Variants in CCDC187 observed in about 807,000 individuals in gnomAD.
CCDC187 encodes coiled-coil domain containing 187, also known as coiled-coil domain-containing protein 187.
CCDC187 carries 32 observed loss-of-function variants against 38.0 expected under a neutral mutation model. The ratio of observed to expected loss-of-function variants is 0.84; its 90% confidence interval spans 0.64 to 1.13. The LOEUF (loss-of-function observed/expected upper bound fraction) is 1.13. CCDC187 is among the 50% of genes most tolerant of loss of function. The probability of loss-of-function intolerance (pLI) is 0.00; values close to 1 mark genes in which losing one functional copy is unlikely to be tolerated. For synonymous variants in CCDC187, 333 were observed against 347.9 expected (o/e 0.96, Z 0.48); for missense variants, 707 against 786.8 (o/e 0.90, Z 1.21).
Position 136,253,694 on chromosome 9 carries a change from T to A in CCDC187, c.6134A>T (p.Glu2045Val). The A allele has an allele frequency of 1.0e-6, 1 of 985,478 alleles. No individual in the cohort carries two copies. Among genetic ancestry groups the A allele is most frequent in the South Asian group, 4.7e-5 (1 of 21,292 alleles). The allele number at this position is 985,478 out of a possible 1,614,324, so 61.0% of individuals were successfully genotyped here. A position where few individuals can be genotyped will look rare whatever the true frequency, so the allele number is the denominator to read the frequency against. ...ATCCTGGGTGGTGATGGCGGTGTCC[T>A]CCTCAAGGGGCCCCGAGGGCGGGGA... ...FPSPPSGPLE[E>V]DTAITTQDLS... The change falls in exon 26 of 26, where the codon GAG becomes GTG. Residue 2045 changes from glutamate (E) to valine (V), a missense_variant. Physicochemically the swap from Glu to Val is moderately radical, Grantham distance 121. Coordinates refer to ENST00000638797, the MANE Select transcript of CCDC187 (RefSeq NM_001378188.1).
At position 136,286,034 on chromosome 9, in the gene CCDC187, A is replaced by C. The variant is rs907825714; in HGVS notation, c.2833+51T>G. 9.2e-4 allele frequency: 368 copies of C among 397,944 alleles called. 2 individuals are homozygous for C. The highest frequency in any genetic ancestry group is 5.7e-3 in the African/African-American group (276 of 48,750). The allele number at this position is 397,944 out of a possible 1,614,324, so 24.7% of individuals were successfully genotyped here. A position where few individuals can be genotyped will look rare whatever the true frequency, so the allele number is the denominator to read the frequency against. On this transcript the variant is annotated intron_variant, in intron 8 of 25. Coordinates refer to ENST00000638797, the MANE Select transcript of CCDC187 (RefSeq NM_001378188.1). Reference sequence around the variant, plus strand: ...ATGGGGTCCCCATTCCTCCCAGCCCACAGGACCCCCTGGCCACCCAGCGGT... The same window carrying C: ...ATGGGGTCCCCATTCCTCCCAGCCCCCAGGACCCCCTGGCCACCCAGCGGT...
chr9:136,294,118 T>C (rs1232684879), intron 4 of CCDC187, among the ~76,000 whole-genome samples: 2 of 57,256 alleles, frequency 3.5e-5, no homozygotes, highest in Non-Finnish European at 7.0e-5. Context: ...ACTCACACAC[T>C]CTCACACTCA....
chr9:136,278,710 T>C (rs1037201781), intron 10 of CCDC187, among the ~76,000 whole-genome samples: 1 of 152,174 alleles, frequency 6.6e-6, no homozygotes, highest in Non-Finnish European at 1.5e-5. Context: ...ACAGGACCCT[T>C]ACCCTCAGTG....
At chr9:136,289,746 C>T (rs1015888823) in intron 7 of CCDC187, among the ~76,000 whole-genome samples, 9 of 152,232 alleles carry the variant, frequency 5.9e-5, no homozygotes, top group East Asian at 1.9e-4. Context: ...AAGTTTGATG[C>T]GACTCTTGCC....
rs186989443 is a variant in CCDC187 at position 136,269,601 on chromosome 9, T to C, written c.3443-1476A>G. The stretch of plus-strand genomic sequence containing the variant: ...TGGTAGAGGTTGCAGTGAGCTGAGA[T>C]TGCGCCACTGCACTCCAGCCTGGCA... On this transcript the variant is annotated intron_variant, in intron 14 of 25. Coordinates refer to ENST00000638797, the MANE Select transcript of CCDC187 (RefSeq NM_001378188.1). 1.3e-3 allele frequency among the ~76,000 whole-genome samples: 196 copies of C among 152,060 alleles called. 1 individual carries two copies. The highest frequency in any genetic ancestry group is 4.5e-3 in the African/African-American group (186 of 41,434).
rs184579600 is a variant in CCDC187 at position 136,258,829 on chromosome 9, G to C, written c.4366+103C>G. The C allele has an allele frequency of 1.0e-6, 1 of 985,410 alleles. No individual in the cohort carries two copies. Among genetic ancestry groups the C allele is most frequent in the African/African-American group, 1.7e-5 (1 of 57,246 alleles). 61.0% of individuals were successfully genotyped at this position (985,410 alleles called of 1,614,324 possible). ...CCAGGGCCCATCTTCTTTGCTTTCC[G>C]TCCTTGTCCAGTGGCTGAGCTCCAG... On this transcript the variant is annotated intron_variant, in intron 22 of 25. Coordinates refer to ENST00000638797, the MANE Select transcript of CCDC187 (RefSeq NM_001378188.1). The surrounding 1 kb of genome is among the most constrained non-coding windows in gnomAD (Gnocchi z 4.3).
At chr9:136,286,038 G>C (rs940342238) in intron 8 of CCDC187, 47 bp downstream of exon 8, 3 of 397,920 alleles carry the variant, frequency 7.5e-6, no homozygotes, top group Admixed American at 8.8e-5. Flanking sequence ...CAGCCCACAG[G>C]ACCCCCTGGC....
chr9:136,268,322 G>T (rs1438559827), intron 14 of CCDC187, among the ~76,000 whole-genome samples, 197 bp from the exon 15 acceptor site: 1 of 152,234 alleles, frequency 6.6e-6, no homozygotes, highest in Non-Finnish European at 1.5e-5. Context: ...TTGATGTGAA[G>T]TTGTGGTTTG....
At chr9:136,298,315 G>C (rs1831585039) in intron 3 of CCDC187, among the ~76,000 whole-genome samples, 1 of 152,186 alleles carries the variant, frequency 6.6e-6, no homozygotes, top group Non-Finnish European at 1.5e-5. Context: ...GGAGGAGTGA[G>C]GGCCAGACCT....
chr9:136,292,790 A>C lies in CCDC187; in HGVS notation c.833-495T>G, dbSNP rs943672809. Reference sequence around the variant, plus strand: ...CACGTGTGCCGAGCCACAGGAGATTAACCTGCTTTTAAGCCAGCAGAGCCA... The same window carrying C: ...CACGTGTGCCGAGCCACAGGAGATTCACCTGCTTTTAAGCCAGCAGAGCCA... On this transcript the variant is annotated intron_variant, in intron 4 of 25. Coordinates refer to ENST00000638797, the MANE Select transcript of CCDC187 (RefSeq NM_001378188.1). Among the ~76,000 whole-genome samples, 736 of 152,272 alleles carry C rather than the reference A, an allele frequency of 4.8e-3. 7 individuals carry two copies. Among genetic ancestry groups the C allele is most frequent in the African/African-American group, 0.017 (697 of 41,564 alleles).
chr9:136,264,367 T>C lies in CCDC187; in HGVS notation c.3736-569A>G, dbSNP rs2131152996. The stretch of plus-strand genomic sequence containing the variant: ...CTCTATCTGCGACACGCAGCCTGGC[T>C]GTGGCTGGGAGTCCCTGGCCCCGGC... On this transcript the variant is annotated intron_variant, in intron 17 of 25. Transcript: ENST00000638797. This position sits in a 1 kb window ranked among gnomAD's most constrained non-coding sequence, Gnocchi z 4.3. 6.6e-6 allele frequency: 1 copy of C among 152,430 alleles called. No homozygotes were observed. 9.4% of individuals were successfully genotyped at this position (152,430 alleles called of 1,614,324 possible).
Position 136,286,395 on chromosome 9 carries a change from G to GA in CCDC187, c.2522dup (p.Thr842HisfsTer312). 2.5e-6 allele frequency: 1 copy of GA among 398,672 alleles called. No homozygotes were observed. Among genetic ancestry groups the GA allele is most frequent in the Non-Finnish European group, 4.4e-6 (1 of 226,080 alleles). The allele number at this position is 398,672 out of a possible 1,614,324, so 24.7% of individuals were successfully genotyped here. Reference sequence around the variant, plus strand: ...CTTCGGCACCCTGCAGCTTGGCGGTGAGGCTATCGACCCGCTGCTTGAGGA... The same window carrying GA: ...CTTCGGCACCCTGCAGCTTGGCGGTGAAGGCTATCGACCCGCTGCTTGAGGA... On this transcript the variant is annotated frameshift_variant, in exon 8 of 26. Transcript: ENST00000638797. LOFTEE classifies it high-confidence loss of function.
chr9:136,300,450 G>C (rs1831650521), intron 2 of CCDC187, 132 bp from the exon 3 acceptor site: 1 of 384,786 alleles, frequency 2.6e-6, no homozygotes, highest in South Asian at 1.4e-4. Flanking sequence ...GTCTCACTCT[G>C]TCACCCAAGC....
chr9:136,284,156 C>T (rs878892352), intron 9 of CCDC187, among the ~76,000 whole-genome samples: 97,933 of 151,656 alleles, frequency 0.65, 31,703 homozygotes, highest in East Asian at 0.77. Context: ...GGAGGGAAGG[C>T]TGGGCTTCGG....
intron 7 of CCDC187, among the ~76,000 whole-genome samples, chr9:136,288,071 A>T (rs1831223861): frequency 1.3e-5 from 2 of 152,088 alleles, no homozygotes; most frequent in Non-Finnish European, 2.9e-5. Context: ...GCCCGAGACG[A>T]CGAGTCCCAG....
chr9:136,293,323 A>C (rs1330998224), intron 4 of CCDC187, among the ~76,000 whole-genome samples: 1 of 148,536 alleles, frequency 6.7e-6, no homozygotes, highest in African/African-American at 2.5e-5. Flanking sequence ...ACTCACACTC[A>C]CATGCTTACA....
Position 136,250,596 on chromosome 9 carries a change from T to C in CCDC187, c.*2998A>G, listed in dbSNP as rs1554759161. ...ATTTGTTCAGAAGACTAGAAGGGGATCAATGAGAAAGCTGTAGCTCAGCTC... is the reference window on the plus strand; with the variant it reads ...ATTTGTTCAGAAGACTAGAAGGGGACCAATGAGAAAGCTGTAGCTCAGCTC... On this transcript the variant is annotated 3_prime_UTR_variant, in exon 26 of 26. Coordinates refer to ENST00000638797, the MANE Select transcript of CCDC187 (RefSeq NM_001378188.1). 1.1e-5 allele frequency: 4 copies of C among 366,222 alleles called. No individual in the cohort carries two copies. Among genetic ancestry groups the C allele is most frequent in the Non-Finnish European group, 2.2e-5 (4 of 182,258 alleles). 22.7% of individuals were successfully genotyped at this position (366,222 alleles called of 1,614,324 possible). A position where few individuals can be genotyped will look rare whatever the true frequency, so the allele number is the denominator to read the frequency against.
intron 3 of CCDC187, among the ~76,000 whole-genome samples, 199 bp from the exon 4 acceptor site, chr9:136,298,020 C>T (rs1048476970): frequency 0.15 from 23,366 of 152,214 alleles, 2,004 homozygotes; most frequent in East Asian, 0.31. Context: ...ACTGTCACGT[C>T]CCCTGCAGTG....
At chr9:136,289,094 A>C (rs1178512786) in intron 7 of CCDC187, among the ~76,000 whole-genome samples, 7 of 152,226 alleles carry the variant, frequency 4.6e-5, no homozygotes, top group Non-Finnish European at 1.0e-4. Context: ...AGACTCAATG[A>C]AGTTCTGACT....
Sources: gnomAD v4.1 joint callset for allele counts (sites outside exome capture counted in the v4.1 genomes callset) on GRCh38, gnomAD v4.1.1 for gene constraint, Gnocchi (gnomAD v3.1) non-coding constraint, MANE v1.5 for transcripts, NCBI Gene and HGNC (gene_info 2026-07-23, HGNC 2026-07-21) for gene names.